AGAP3: variants seen among roughly 807,000 people sequenced by gnomAD.
AGAP3 encodes ArfGAP with GTPase domain, ankyrin repeat and PH domain 3.
AGAP3 carries 24 observed loss-of-function variants against 96.9 expected under a neutral mutation model. The ratio of observed to expected loss-of-function variants is 0.25; its 90% CI spans 0.18 to 0.35. The LOEUF is 0.35. Among genes scored for constraint, AGAP3 ranks in the 10% least tolerant of loss-of-function variants. The probability of loss-of-function intolerance (pLI) is 1.00; values close to 1 mark genes in which losing one functional copy is unlikely to be tolerated. For synonymous variants in AGAP3, 563 were observed against 536.1 expected (o/e 1.05, Z -0.69); for missense variants, 876 against 1,254.2 (o/e 0.70, Z 4.55).
intron 1 of AGAP3, among the ~76,000 whole-genome samples, chr7:151,101,856 G>A (rs568808059): frequency 9.9e-5 from 15 of 152,270 alleles, no homozygotes; most frequent in East Asian, 3.9e-4. Context: ...TCTGCCTCCC[G>A]TCCCTCTGTT....
At chr7:151,087,168 T>G in intron 1 of AGAP3, 96 bp downstream of exon 1, 1 of 1,327,414 alleles carries the variant, frequency 7.5e-7, no homozygotes, top group South Asian at 1.3e-5. Context: ...GCTCTCCCTG[T>G]CGGGGGTCCT....
At chr7:151,117,605 G>A (rs1799657971) in intron 4 of AGAP3, 31 bp from the exon 5 acceptor site, 2 of 1,612,824 alleles carry the variant, frequency 1.2e-6, no homozygotes, top group Non-Finnish European at 1.7e-6. Flanking sequence ...AGGTCCAGTT[G>A]CGGGTGCTAA....
At chr7:151,124,592 G>C (rs1461405068) in intron 9 of AGAP3, among the ~76,000 whole-genome samples, 1 of 152,202 alleles carries the variant, frequency 6.6e-6, no homozygotes, top group Non-Finnish European at 1.5e-5. Flanking sequence ...CTGGTGGTTG[G>C]AGAGGCCATG....
intron 1 of AGAP3, among the ~76,000 whole-genome samples, chr7:151,099,734 G>A (rs137992187): frequency 3.3e-4 from 50 of 152,352 alleles, no homozygotes; most frequent in Admixed American, 9.8e-4. Flanking sequence ...GGGACCGTGG[G>A]TCAGAGGCCT....
chr7:151,117,985 G>GT (rs1487345114), intron 5 of AGAP3: 11 of 889,032 alleles, frequency 1.2e-5, no homozygotes, highest in Non-Finnish European at 1.8e-5. Context: ...GCAGGTCTGT[G>GT]TTTTTTTAGA....
chr7:151,086,699 C>T lies in AGAP3; in HGVS notation c.-43C>T. On this transcript the variant is annotated 5_prime_UTR_variant, in exon 1 of 18. Coordinates refer to ENST00000397238, the MANE Select transcript of AGAP3 (RefSeq NM_031946.7). ...CCGCCGCCGCCGCCGCCGCCTCCGC[C>T]GCGCCGCCCCGGGCCCGCCTCGGGC... 1 of 392,604 alleles carries T rather than the reference C, an allele frequency of 2.5e-6. No individual in the cohort carries two copies. Among genetic ancestry groups the T allele is most frequent in the Non-Finnish European group, 3.4e-6 (1 of 290,508 alleles). The allele number at this position is 392,604 out of a possible 1,614,324, so 24.3% of individuals were successfully genotyped here. A position where few individuals can be genotyped will look rare whatever the true frequency, so the allele number is the denominator to read the frequency against.
At chr7:151,089,314 C>A (rs920100580) in intron 1 of AGAP3, among the ~76,000 whole-genome samples, 1 of 152,238 alleles carries the variant, frequency 6.6e-6, no homozygotes, top group Admixed American at 6.5e-5. Context: ...ACTCCCTGGG[C>A]GTTTCCGAGC....
intron 1 of AGAP3, among the ~76,000 whole-genome samples, chr7:151,115,912 C>A (rs1193046851): frequency 6.6e-6 from 1 of 152,160 alleles, no homozygotes; most frequent in Admixed American, 6.5e-5. Context: ...TTTCCTAGTT[C>A]CCTGTCGGGG....
intron 8 of AGAP3, chr7:151,122,596 C>G (rs1799962479): frequency 9.8e-7 from 1 of 1,025,488 alleles, no homozygotes; most frequent in African/African-American, 1.6e-5. Context: ...TCTCCTCCTC[C>G]TCCTCCTCCT....
intron 10 of AGAP3, among the ~76,000 whole-genome samples, chr7:151,132,590 C>T (rs921807560): frequency 1.3e-5 from 2 of 152,194 alleles, no homozygotes; most frequent in African/African-American, 2.4e-5. Flanking sequence ...AGAATGAAGG[C>T]GACTGCAGGC....
chr7:151,097,021 G>A (rs76271183), intron 1 of AGAP3, among the ~76,000 whole-genome samples: 3 of 151,346 alleles, frequency 2.0e-5, no homozygotes, highest in South Asian at 2.1e-4. Flanking sequence ...CTGACCTCAG[G>A]TGATCTGCCT....
chr7:151,094,247 C>T (rs1664571099), intron 1 of AGAP3, among the ~76,000 whole-genome samples: 1 of 152,104 alleles, frequency 6.6e-6, no homozygotes, highest in Non-Finnish European at 1.5e-5. Context: ...GCAGGGTATC[C>T]TGTGTAAGGG....
intron 9 of AGAP3, among the ~76,000 whole-genome samples, chr7:151,124,920 G>A (rs4725996): frequency 0.08 from 12,120 of 152,214 alleles, 1,190 homozygotes; most frequent in East Asian, 0.24. Flanking sequence ...TGAAATGTTC[G>A]TTGCATTTAT....
intron 1 of AGAP3, among the ~76,000 whole-genome samples, chr7:151,095,174 C>A (rs1798549863): frequency 6.6e-6 from 1 of 152,188 alleles, no homozygotes; most frequent in South Asian, 2.1e-4. Context: ...CCGTTTTAAT[C>A]TCTTTTAATG....
At chr7:151,120,562 C>A in intron 8 of AGAP3, 1 of 1,212,112 alleles carries the variant, frequency 8.3e-7, no homozygotes. Context: ...CAAGGCGACA[C>A]AGAGGGTTAG....
rs772192003 is a variant in AGAP3, at chr7:151,144,172, G to C, written c.*229G>C. On this transcript the variant is annotated 3_prime_UTR_variant, in exon 18 of 18. Coordinates refer to ENST00000397238, the MANE Select transcript of AGAP3 (RefSeq NM_031946.7). ...CTCTGCCCTAAGGTGCCATTGAAAA[G>C]GGACAGGACCCTTCGGAGGTGCCTG... 1.7e-6 allele frequency: 1 copy of C among 585,736 alleles called. No individual in the cohort carries two copies. The highest frequency in any genetic ancestry group is 3.0e-6 in the Non-Finnish European group (1 of 333,750). The allele number at this position is 585,736 out of a possible 1,614,324, so 36.3% of individuals were successfully genotyped here.
chr7:151,142,905 C>T lies in AGAP3; in HGVS notation c.2273+271C>T, dbSNP rs1029935540. Among the ~76,000 whole-genome samples the T allele has an allele frequency of 3.9e-5, 6 of 152,184 alleles. No homozygotes were observed. The highest frequency in any genetic ancestry group is 8.8e-5 in the Non-Finnish European group (6 of 68,026). On this transcript the variant is annotated intron_variant, in intron 16 of 17. Transcript: ENST00000397238. This position sits in a 1 kb window ranked among gnomAD's most constrained non-coding sequence, Gnocchi z 7.5. ...GCCCCTATCACGGTGTGGTGCAGAGCGCCCACTCCGGAGCTCTGAGATGGG... is the reference window on the plus strand; with the variant it reads ...GCCCCTATCACGGTGTGGTGCAGAGTGCCCACTCCGGAGCTCTGAGATGGG...
chr7:151,112,868 C>T (rs1799355228), intron 1 of AGAP3, among the ~76,000 whole-genome samples: 1 of 151,636 alleles, frequency 6.6e-6, no homozygotes, highest in Non-Finnish European at 1.5e-5. Flanking sequence ...TCCCAAAGCG[C>T]TGGGATTACA....
chr7:151,143,820 A>G lies in AGAP3; in HGVS notation c.2613A>G (p.Ala871=). ...YARRAGSQEC[A]DILIQHGCPG... is the part of the protein sequence containing the mutation. Reference sequence around the variant, plus strand: ...GCCGGGCCGGCAGCCAGGAGTGTGCAGACATCTTGATCCAGCATGGCTGCC... The same window carrying G: ...GCCGGGCCGGCAGCCAGGAGTGTGCGGACATCTTGATCCAGCATGGCTGCC... Residue 871 remains alanine, a synonymous_variant, in exon 18 of 18, where the codon GCA becomes GCG. Coordinates refer to ENST00000397238, the MANE Select transcript of AGAP3 (RefSeq NM_031946.7). This position sits in a 1 kb window ranked among gnomAD's most constrained non-coding sequence, Gnocchi z 5.9. 1 of 1,614,078 alleles carries G rather than the reference A, an allele frequency of 6.2e-7. No homozygotes were observed. The highest frequency in any genetic ancestry group is 8.5e-7 in the Non-Finnish European group (1 of 1,180,038).
Sources: gnomAD v4.1 joint callset for allele counts (sites outside exome capture counted in the v4.1 genomes callset) on GRCh38, gnomAD v4.1.1 for gene constraint, Gnocchi (gnomAD v3.1) non-coding constraint, MANE v1.5 for transcripts, NCBI Gene and HGNC (gene_info 2026-07-23, HGNC 2026-07-21) for gene names.